Variants in SLC23A2 observed in about 807,000 individuals in gnomAD.
SLC23A2 encodes Na(+)/L-ascorbic acid transporter 2.
A neutral mutation model predicts 73.3 loss-of-function variants in SLC23A2; 36 were observed. The observed-to-expected ratio is 0.49, with a 90% CI of 0.38 to 0.65. SLC23A2 has a LOEUF of 0.65. SLC23A2 is among the 30% of genes least tolerant of loss of function. SLC23A2 has a pLI of 0.00. For missense variants in SLC23A2, 507 were observed against 841.6 expected, an observed-to-expected ratio of 0.60 and a Z score of 4.92; for synonymous variants, 343 against 327.3, an observed-to-expected ratio of 1.05 and a Z score of -0.52.
upstream of SLC23A2, among the ~76,000 whole-genome samples, chr20:5,005,507 A>T (rs960003423): frequency 4.6e-5 from 7 of 152,012 alleles, no homozygotes; most frequent in African/African-American, 1.7e-4. Context: ...AGGCTGTGTT[A>T]TTTTTGAGAG....
intron 2 of SLC23A2, among the ~76,000 whole-genome samples, chr20:4,954,977 A>G (rs765675554): frequency 6.6e-6 from 1 of 152,138 alleles, no homozygotes; most frequent in Non-Finnish European, 1.5e-5. Context: ...TTGTTTGAGC[A>G]CGGTGGCTCA....
At chr20:5,010,018 C>T (rs944603421) in intron 1 of SLC23A2, among the ~76,000 whole-genome samples, 1 of 151,332 alleles carries the variant, frequency 6.6e-6, no homozygotes, top group African/African-American at 2.4e-5. Flanking sequence ...TGGACTGAAC[C>T]CGGGAGGCGG....
rs758823069 is a variant in SLC23A2, at chr20:4,912,964, T to A, written c.123A>T (p.Gly41=). Reference sequence around the variant, plus strand: ...CCTGCTCACCGCTGGAGGTGGCGCCTCCATTTATCACCACCTGCAGAGACA... The same window carrying A: ...CCTGCTCACCGCTGGAGGTGGCGCCACCATTTATCACCACCTGCAGAGACA... ...AFFTLPVVIN[G]GATSSGEQDN... The change falls in exon 4 of 17, where the codon GGA becomes GGT. Residue 41 remains glycine, a synonymous_variant. Coordinates refer to ENST00000338244, the MANE Select transcript of SLC23A2 (RefSeq NM_005116.6). 1 of 1,609,996 alleles carries A rather than the reference T, an allele frequency of 6.2e-7. No homozygotes were observed. The highest frequency in any genetic ancestry group is 1.7e-5 in the Admixed American group (1 of 60,000).
chr20:4,873,838 A>T, intron 11 of SLC23A2, 98 bp downstream of exon 11: 1 of 1,238,674 alleles, frequency 8.1e-7, no homozygotes, highest in Non-Finnish European at 1.1e-6. Context: ...GGCCTTCAGG[A>T]GACAGTCTGG....
intron 1 of SLC23A2, among the ~76,000 whole-genome samples, chr20:4,996,469 C>T (rs780716501): frequency 1.3e-5 from 2 of 151,998 alleles, no homozygotes; most frequent in African/African-American, 4.8e-5. Flanking sequence ...GGGCGGATCA[C>T]GAGGTCAGGA....
At chr20:4,971,184 C>T (rs2087554261) in intron 1 of SLC23A2, among the ~76,000 whole-genome samples, 1 of 151,734 alleles carries the variant, frequency 6.6e-6, no homozygotes, top group Admixed American at 6.6e-5. Flanking sequence ...AAAAACTTTT[C>T]AGCCAGGCAC....
Position 4,887,768 on chromosome 20 carries a change from G to T in SLC23A2, c.483-1859C>A, listed in dbSNP as rs573990628. ...AGGGCTGCTCATGCCAGCATTATGT[G>T]TTCACGTCTAGCCAGGCAACACCGC... On this transcript the variant is annotated intron_variant, in intron 6 of 16. Coordinates refer to ENST00000338244, the MANE Select transcript of SLC23A2 (RefSeq NM_005116.6). 2.6e-5 allele frequency among the ~76,000 whole-genome samples: 4 copies of T among 152,302 alleles called. No individual in the cohort carries two copies. The East Asian group carries it at 7.7e-4, about 29-fold the overall frequency.
intron 2 of SLC23A2, among the ~76,000 whole-genome samples, chr20:4,953,721 T>A (rs982345413): frequency 1.3e-5 from 2 of 152,074 alleles, no homozygotes; most frequent in East Asian, 3.9e-4. Context: ...AAACCCCATC[T>A]CTACTAAAAA....
rs528527703 is a variant in SLC23A2, at chr20:4,885,706, G to A, written c.571+115C>T. ...TTCTAAGCTGTTTGTGGGTTTGTGT[G>A]CTTTGTCCCTAATTCTTGAAAGGAT... On this transcript the variant is annotated intron_variant, in intron 7 of 16. Transcript: ENST00000338244. 41 of 746,762 alleles carry A rather than the reference G, an allele frequency of 5.5e-5. 1 individual carries two copies. The South Asian group carries it at 6.1e-4, about 11-fold the overall frequency. The allele number at this position is 746,762 out of a possible 1,614,324, so 46.3% of individuals were successfully genotyped here. A position where few individuals can be genotyped will look rare whatever the true frequency, so the allele number is the denominator to read the frequency against.
intron 1 of SLC23A2, among the ~76,000 whole-genome samples, chr20:4,997,920 A>T (rs924661434): frequency 6.6e-6 from 1 of 152,066 alleles, no homozygotes; most frequent in Non-Finnish European, 1.5e-5. Flanking sequence ...CAGTGCTTGA[A>T]CAGAAAGATA....
chr20:4,915,805 G>A (rs1465380020), intron 3 of SLC23A2, among the ~76,000 whole-genome samples: 4 of 152,056 alleles, frequency 2.6e-5, no homozygotes, highest in African/African-American at 9.7e-5. Context: ...AAAATTAGCT[G>A]GGCGTGGTGA....
At chr20:4,972,240 A>G (rs2087572096) in intron 1 of SLC23A2, among the ~76,000 whole-genome samples, 1 of 152,030 alleles carries the variant, frequency 6.6e-6, no homozygotes. Context: ...AACTTTTACC[A>G]TTTGTTCTTG....
chr20:5,006,075 T>C (rs2088187774), upstream of SLC23A2, among the ~76,000 whole-genome samples: 1 of 152,150 alleles, frequency 6.6e-6, no homozygotes, highest in South Asian at 2.1e-4. Context: ...TAATAATGAT[T>C]GAGCATAATA....
At chr20:4,890,309 T>G (rs1342757194) in intron 6 of SLC23A2, among the ~76,000 whole-genome samples, 1 of 152,164 alleles carries the variant, frequency 6.6e-6, no homozygotes, top group African/African-American at 2.4e-5. Flanking sequence ...TGAGGAGCCA[T>G]AGGTTCTTTA....
chr20:4,936,113 T>C (rs1418660143), intron 2 of SLC23A2, among the ~76,000 whole-genome samples: 2 of 152,226 alleles, frequency 1.3e-5, no homozygotes, highest in African/African-American at 4.8e-5. Context: ...GTTGTCATCA[T>C]GTTTGTGTAG....
chr20:4,899,823 A>C lies in SLC23A2; in HGVS notation c.325-111T>G. ...TCGTTAAAAAATAGCCCACATAAAG[A>C]ATCTCCTTGGTTTTTCGACCAAGCC... is the stretch of plus-strand genomic sequence containing the variant. On this transcript the variant is annotated intron_variant, in intron 5 of 16. Coordinates refer to ENST00000338244, the MANE Select transcript of SLC23A2 (RefSeq NM_005116.6). The surrounding 1 kb of genome is among the most constrained non-coding windows in gnomAD (Gnocchi z 4.9). 9.0e-7 allele frequency: 1 copy of C among 1,115,588 alleles called. No homozygotes were observed. The highest frequency in any genetic ancestry group is 1.6e-5 in the African/African-American group (1 of 63,696). 69.1% of individuals were successfully genotyped at this position (1,115,588 alleles called of 1,614,324 possible).
chr20:4,869,737 A>G, intron 12 of SLC23A2, 169 bp downstream of exon 12: 1 of 559,020 alleles, frequency 1.8e-6, no homozygotes, highest in Non-Finnish European at 3.2e-6. Context: ...GGTGTATCAG[A>G]CAGTCGAAAG....
At chr20:4,933,583 C>T (rs549419779) in intron 2 of SLC23A2, among the ~76,000 whole-genome samples, 3 of 151,816 alleles carry the variant, frequency 2.0e-5, no homozygotes, top group African/African-American at 7.3e-5. Flanking sequence ...GAGCCAAGAT[C>T]GCATCACTGC....
chr20:4,858,384 C>T (rs1246215708), intron 16 of SLC23A2, among the ~76,000 whole-genome samples: 1 of 152,194 alleles, frequency 6.6e-6, no homozygotes, highest in Non-Finnish European at 1.5e-5. Context: ...TTCCATCAGC[C>T]TGACTGTTGC....
Sources: gnomAD v4.1 joint callset for allele counts (sites outside exome capture counted in the v4.1 genomes callset) on GRCh38, gnomAD v4.1.1 for gene constraint, Gnocchi (gnomAD v3.1) non-coding constraint, MANE v1.5 for transcripts, NCBI Gene and HGNC (gene_info 2026-07-23, HGNC 2026-07-21) for gene names.